The following PLAGL1 variants were observed in gnomAD, a reference collection of about 807,000 sequenced individuals.
PLAGL1 encodes zinc finger protein PLAGL1.
PLAGL1 carries 1 observed loss-of-function variant against 4.6 expected under a neutral mutation model. That is an observed-to-expected ratio of 0.22 (90% CI 0.08 to 1.03). The LOEUF is 1.03. PLAGL1 is among the 50% of genes least tolerant of loss of function. The pLI is 0.58. For missense variants in PLAGL1, 464 were observed against 570.4 expected, an observed-to-expected ratio of 0.81 and a Z score of 1.90; for synonymous variants, 240 against 237.8, an observed-to-expected ratio of 1.01 and a Z score of -0.08.
In PLAGL1 at chr6:143,990,952, C is replaced by T. The variant is rs755414933; in HGVS notation, c.-583-5778G>A. On this transcript the variant is annotated intron_variant, in intron 1 of 7. Coordinates refer to ENST00000674357, the MANE Select transcript of PLAGL1 (RefSeq NM_001317162.2). This position sits in a 1 kb window ranked among gnomAD's most constrained non-coding sequence, Gnocchi z 5.4. ...GTCAATTATTTAATTGTTCCAACCA[C>T]ATGAGAATAGGTGGCTTTAGCCCCT... is the stretch of plus-strand genomic sequence containing the variant. 2.0e-5 allele frequency among the ~76,000 whole-genome samples: 3 copies of T among 152,252 alleles called. No individual in the cohort carries two copies. The highest frequency in any genetic ancestry group is 6.5e-5 in the Admixed American group (1 of 15,292).
chr6:144,037,790 ACTG>A (rs1797364770), intron 1 of PLAGL1: 1 of 152,114 alleles, frequency 6.6e-6, no homozygotes, highest in Non-Finnish European at 1.5e-5. Flanking sequence ...AACCCAAACT[ACTG>A]CTTTTGATGT....
At chr6:143,987,545 TA>T (rs888293352) in intron 1 of PLAGL1, among the ~76,000 whole-genome samples, 2 of 141,422 alleles carry the variant, frequency 1.4e-5, no homozygotes, top group African/African-American at 5.2e-5. Context: ...CCTCCCAAAG[TA>T]AAAACTCACA....
chr6:143,977,720 G>T (rs973165247), intron 2 of PLAGL1, among the ~76,000 whole-genome samples: 1 of 151,900 alleles, frequency 6.6e-6, no homozygotes, highest in African/African-American at 2.4e-5. Flanking sequence ...GGCTGGTCTC[G>T]AACTCCCAAC....
rs112131707 is a variant in PLAGL1, at chr6:143,989,707, T to A, written c.-583-4533A>T. 1.2e-4 allele frequency among the ~76,000 whole-genome samples: 19 copies of A among 152,320 alleles called. No individual in the cohort carries two copies. The highest frequency in any genetic ancestry group is 4.3e-4 in the African/African-American group (18 of 41,566). ...TAATCAATCTCTCTTTCTCTCTCCA[T>A]ATATGTATCCATGGGTAAACATACA... On this transcript the variant is annotated intron_variant, in intron 1 of 7. Coordinates refer to ENST00000674357, the MANE Select transcript of PLAGL1 (RefSeq NM_001317162.2). This position sits in a 1 kb window ranked among gnomAD's most constrained non-coding sequence, Gnocchi z 4.8.
At chr6:143,991,433 G>C (rs1337296884) in intron 1 of PLAGL1, among the ~76,000 whole-genome samples, 2 of 152,124 alleles carry the variant, frequency 1.3e-5, no homozygotes, top group East Asian at 3.8e-4. Context: ...TTGGTGATTA[G>C]GGCATCTTCC....
Position 143,963,423 on chromosome 6 carries a change from A to G in PLAGL1, c.-399+1364T>C, listed in dbSNP as rs1254204739. On this transcript the variant is annotated intron_variant, in intron 5 of 7. Transcript: ENST00000674357. The surrounding 1 kb of genome is among the most constrained non-coding windows in gnomAD (Gnocchi z 6.1). ...CCTCCAGCACTGCCTGTTCTAGCTA[A>G]TGGCACCGCTATGCAATAGCCATCA... is the stretch of plus-strand genomic sequence containing the variant. Among the ~76,000 whole-genome samples the G allele has an allele frequency of 6.6e-6, 1 of 152,218 alleles. No individual in the cohort carries two copies. The highest frequency in any genetic ancestry group is 1.5e-5 in the Non-Finnish European group (1 of 68,040).
At position 144,022,778 on chromosome 6, in the gene PLAGL1, TA is replaced by T. The variant is rs1198998937; in HGVS notation, c.-151+41689del. On this transcript the variant is annotated intron_variant, in intron 1 of 3. Coordinates refer to the PLAGL1 transcript ENST00000437412. The surrounding 1 kb of genome is among the most constrained non-coding windows in gnomAD (Gnocchi z 4.2). The stretch of plus-strand genomic sequence containing the variant: ...CAGCCATGTGGAACTGTGAGTCAAT[TA>T]AACCTCTTTCCTTTATAAATTATGC... Among the ~76,000 whole-genome samples the T allele has an allele frequency of 6.6e-6, 1 of 152,216 alleles. No individual in the cohort carries two copies. The highest frequency in any genetic ancestry group is 1.5e-5 in the Non-Finnish European group (1 of 68,036).
At position 144,059,945 on chromosome 6, in the gene PLAGL1, G is replaced by A. The variant is rs1222289739; in HGVS notation, c.-151+4523C>T. Among the ~76,000 whole-genome samples, 1 of 152,070 alleles carries A rather than the reference G, an allele frequency of 6.6e-6. No individual in the cohort carries two copies. Among genetic ancestry groups the A allele is most frequent in the Non-Finnish European group, 1.5e-5 (1 of 67,992 alleles). On this transcript the variant is annotated intron_variant, in intron 1 of 3. Transcript: ENST00000437412. This position sits in a 1 kb window ranked among gnomAD's most constrained non-coding sequence, Gnocchi z 4.9. ...CCCCAGGTGGCCAAGGGTCTGAAAG[G>A]TCATTTCCCCCCATCTAGCAAGAGC...
intron 1 of PLAGL1, among the ~76,000 whole-genome samples, chr6:144,030,187 G>A (rs1392162713): frequency 6.8e-6 from 1 of 146,716 alleles, no homozygotes; most frequent in African/African-American, 2.5e-5. Context: ...CCTGGGAGGC[G>A]GAGCTTGCAG....
intron 1 of PLAGL1, among the ~76,000 whole-genome samples, chr6:144,024,185 A>C (rs187643045): frequency 1.1e-4 from 17 of 152,328 alleles, no homozygotes; most frequent in African/African-American, 4.1e-4. Context: ...GAAGGCCTAC[A>C]TGCAGTGACA....
chr6:143,954,692 T>C lies in PLAGL1; in HGVS notation c.-325+5777A>G, dbSNP rs1010143157. Among the ~76,000 whole-genome samples, 8 of 152,238 alleles carry C rather than the reference T, an allele frequency of 5.3e-5. No homozygotes were observed. The highest frequency in any genetic ancestry group is 1.2e-4 in the Non-Finnish European group (8 of 68,038). On this transcript the variant is annotated intron_variant, in intron 6 of 7. Transcript: ENST00000674357. The surrounding 1 kb of genome is among the most constrained non-coding windows in gnomAD (Gnocchi z 5.1). Reference sequence around the variant, plus strand: ...TGACAAAGTTACCTATTATCATTGCTTGCATGAAACATTCATGTATTAGAA... The same window carrying C: ...TGACAAAGTTACCTATTATCATTGCCTGCATGAAACATTCATGTATTAGAA...
rs1485333335 is a variant in PLAGL1, at chr6:143,954,749, A to G, written c.-325+5720T>C. Among the ~76,000 whole-genome samples the G allele has an allele frequency of 6.6e-6, 1 of 152,218 alleles. No homozygotes were observed. The highest frequency in any genetic ancestry group is 6.5e-5 in the Admixed American group (1 of 15,288). On this transcript the variant is annotated intron_variant, in intron 6 of 7. Coordinates refer to ENST00000674357, the MANE Select transcript of PLAGL1 (RefSeq NM_001317162.2). This position sits in a 1 kb window ranked among gnomAD's most constrained non-coding sequence, Gnocchi z 5.1. ...GATAATACGATACAGTAAGACAATA[A>G]ACTAATGAAAGGCATAAAATTGGAA...
chr6:143,956,213 T>A (rs1046166838), intron 6 of PLAGL1, among the ~76,000 whole-genome samples: 1 of 152,016 alleles, frequency 6.6e-6, no homozygotes, highest in African/African-American at 2.4e-5. Flanking sequence ...CCTCCTAGAG[T>A]GGTTTGGTCA....
chr6:143,940,373 G>A lies in PLAGL1; in HGVS notation c.*1051C>T, dbSNP rs558334072. On this transcript the variant is annotated 3_prime_UTR_variant, in exon 8 of 8. Coordinates refer to ENST00000674357, the MANE Select transcript of PLAGL1 (RefSeq NM_001317162.2). The stretch of plus-strand genomic sequence containing the variant: ...AAGCCTCTAAAAACATAAGACAATG[G>A]AGCTTTAAAAAAGGTTAGGTTTTAC... 1.4e-4 allele frequency: 22 copies of A among 152,196 alleles called. No homozygotes were observed. Among genetic ancestry groups the A allele is most frequent in the African/African-American group, 5.1e-4 (21 of 41,538 alleles). The allele number at this position is 152,196 out of a possible 1,614,324, so 9.4% of individuals were successfully genotyped here. A position where few individuals can be genotyped will look rare whatever the true frequency, so the allele number is the denominator to read the frequency against.
At position 143,962,462 on chromosome 6, in the gene PLAGL1, G is replaced by T. The variant is rs1436547873; in HGVS notation, c.-398-1920C>A. Among the ~76,000 whole-genome samples the T allele has an allele frequency of 1.3e-5, 2 of 152,204 alleles. No individual in the cohort carries two copies. Among genetic ancestry groups the T allele is most frequent in the Admixed American group, 1.3e-4 (2 of 15,284 alleles). On this transcript the variant is annotated intron_variant, in intron 5 of 7. Transcript: ENST00000674357. The surrounding 1 kb of genome is among the most constrained non-coding windows in gnomAD (Gnocchi z 5.3). ...CACATTTTTGTGGGAGTGAAGACTG[G>T]CAGATGGTAAACAGATTAGTTAATT...
chr6:144,044,999 G>GTT (rs1798021374), intron 1 of PLAGL1, among the ~76,000 whole-genome samples: 2 of 14,286 alleles, frequency 1.4e-4, no homozygotes, highest in African/African-American at 5.1e-4. Context: ...TGCAACCCCT[G>GTT]CTTTTTTTTT....
intron 2 of PLAGL1, among the ~76,000 whole-genome samples, chr6:143,980,852 A>G (rs1257812426): frequency 6.6e-6 from 1 of 152,206 alleles, no homozygotes; most frequent in Non-Finnish European, 1.5e-5. Flanking sequence ...CAGTTAAGCT[A>G]CTTCAAACAA....
Position 144,014,977 on chromosome 6 carries a change from T to C in PLAGL1, c.-150-45999A>G, listed in dbSNP as rs1032880007. ...TATCTATATAGAGAAAAAAATAAAC[T>C]TCTACATGCATTTCACGCCATTCAC... On this transcript the variant is annotated intron_variant, in intron 1 of 3. Coordinates refer to the PLAGL1 transcript ENST00000437412. Among the ~76,000 whole-genome samples the C allele has an allele frequency of 3.3e-5, 5 of 152,250 alleles. No homozygotes were observed. In the East Asian group the frequency reaches 7.7e-4, roughly 23 times the overall value.
At chr6:143,996,775 C>A (rs1041797444) in intron 1 of PLAGL1, among the ~76,000 whole-genome samples, 1 of 151,980 alleles carries the variant, frequency 6.6e-6, no homozygotes, top group Non-Finnish European at 1.5e-5. Flanking sequence ...GGGCACCATG[C>A]AATTCAATGG....
Sources: gnomAD v4.1 joint callset for allele counts (sites outside exome capture counted in the v4.1 genomes callset) on GRCh38, gnomAD v4.1.1 for gene constraint, Gnocchi (gnomAD v3.1) non-coding constraint, MANE v1.5 for transcripts, NCBI Gene and HGNC (gene_info 2026-07-23, HGNC 2026-07-21) for gene names.